Variants in PRIM2 observed in about 807,000 individuals in gnomAD.
PRIM2 encodes the protein DNA primase large subunit.
In PRIM2, 39 loss-of-function variants were observed where a neutral mutation model predicts 67.3. That is an observed-to-expected ratio of 0.58 (90% confidence interval 0.45 to 0.76). The LOEUF (loss-of-function observed/expected upper bound fraction) is 0.76. PRIM2 is among the 30% of genes least tolerant of loss of function. The pLI, the probability that PRIM2 is intolerant of heterozygous loss-of-function variation, is 0.00. For synonymous variants in PRIM2, 143 were observed against 198.7 expected, an observed-to-expected ratio of 0.72 and a Z score of 2.36; for missense variants, 398 against 598.7, an observed-to-expected ratio of 0.66 and a Z score of 3.50.
chr6:57,425,017 A>G (rs1771575536), intron 7 of PRIM2, among the ~76,000 whole-genome samples: 1 of 152,208 alleles, frequency 6.6e-6, no homozygotes, highest in South Asian at 2.1e-4. Context: ...ATAAATAAAC[A>G]TGTATACACA....
chr6:57,627,158 G>A (rs1776962085), intron 12 of PRIM2, among the ~76,000 whole-genome samples: 1 of 149,632 alleles, frequency 6.7e-6, no homozygotes, highest in African/African-American at 2.5e-5. Context: ...GTGCGCATCT[G>A]TAATCCTGGC....
chr6:57,587,027 G>A (rs1482621878), intron 10 of PRIM2: 62 of 152,278 alleles, frequency 4.1e-4, no homozygotes, highest in African/African-American at 1.4e-3. Flanking sequence ...TAGAAGCTCC[G>A]CCTGTGAAGA....
chr6:57,383,303 A>C (rs1770023308), intron 7 of PRIM2: 1 of 151,882 alleles, frequency 6.6e-6, no homozygotes, highest in African/African-American at 2.4e-5. Context: ...GACATTTTAG[A>C]CCACACTTCT....
chr6:57,461,660 T>A (rs1450554330), intron 7 of PRIM2, among the ~76,000 whole-genome samples: 1 of 152,160 alleles, frequency 6.6e-6, no homozygotes, highest in Admixed American at 6.6e-5. Flanking sequence ...AATCCATGTT[T>A]CATCTTGAAA....
chr6:57,560,183 T>C (rs1192666698), intron 10 of PRIM2, among the ~76,000 whole-genome samples: 1 of 152,130 alleles, frequency 6.6e-6, no homozygotes, highest in Non-Finnish European at 1.5e-5. Context: ...ATTTCAACAG[T>C]GTTCACAGCA....
At chr6:57,281,429 G>T in the PRIM2 span, among the ~76,000 whole-genome samples, 16 of 152,228 alleles carry the variant, frequency 1.1e-4, no homozygotes, top group Admixed American at 6.5e-5. Context: ...GTGTATGAGG[G>T]TTCCCGTTTC....
intron 7 of PRIM2, among the ~76,000 whole-genome samples, chr6:57,447,044 G>T (rs1271300371): frequency 1.3e-5 from 2 of 152,224 alleles, no homozygotes; most frequent in Non-Finnish European, 2.9e-5. Flanking sequence ...TGAGATGCTG[G>T]TCAGGGAAGA....
At chr6:57,280,386 C>CTT in the PRIM2 span, among the ~76,000 whole-genome samples, 4 of 149,270 alleles carry the variant, frequency 2.7e-5, no homozygotes, top group African/African-American at 9.8e-5. Context: ...ACTTTGTATT[C>CTT]TTTTTTTTTT....
intron 7 of PRIM2, among the ~76,000 whole-genome samples, chr6:57,400,831 G>C (rs908645286): frequency 6.6e-6 from 1 of 152,088 alleles, no homozygotes. Flanking sequence ...CTTTATTTTT[G>C]TCTGACTGTC....
chr6:57,631,007 A>G (rs1777030224), intron 12 of PRIM2, among the ~76,000 whole-genome samples: 1 of 152,220 alleles, frequency 6.6e-6, no homozygotes. Flanking sequence ...GGTCTTTCAT[A>G]TATGATTTAA....
intron 7 of PRIM2, among the ~76,000 whole-genome samples, chr6:57,427,658 A>G (rs1436225462): frequency 6.6e-6 from 1 of 152,158 alleles, no homozygotes; most frequent in Non-Finnish European, 1.5e-5. Context: ...GCAAATTTTT[A>G]TCAATGTCAT....
At chr6:57,575,697 TTAATC>T (rs1775951438) in intron 10 of PRIM2, among the ~76,000 whole-genome samples, 2 of 152,146 alleles carry the variant, frequency 1.3e-5, no homozygotes, top group African/African-American at 4.8e-5. Context: ...TTCAGTTTAA[TTAATC>T]TTTTTTTTTC....
chr6:57,361,384 C>T (rs17705499), intron 5 of PRIM2, among the ~76,000 whole-genome samples: 18,184 of 150,942 alleles, frequency 0.12, 550 homozygotes, highest in African/African-American at 0.17. Context: ...GGATTAGAAC[C>T]GTGACTTAGG....
chr6:57,423,683 T>C (rs1405935915), intron 7 of PRIM2, among the ~76,000 whole-genome samples: 1 of 152,234 alleles, frequency 6.6e-6, no homozygotes, highest in East Asian at 1.9e-4. Context: ...TTAAACTTGG[T>C]ATGTGCAAAG....
upstream of PRIM2, chr6:57,314,784 A>G (rs1405846837): frequency 6.6e-6 from 1 of 152,254 alleles, no homozygotes; most frequent in Non-Finnish European, 1.5e-5. Flanking sequence ...GATGAAGTGA[A>G]TACATGAAAG....
At position 57,452,966 on chromosome 6, in the gene PRIM2, A is replaced by G. The variant is rs202009500; in HGVS notation, c.694-54421A>G. Reference sequence around the variant, plus strand: ...CCATCTTGAATTAATTTTAGTATACAGTGTAAGGAAGGGATCCAGTTTCAG... The same window carrying G: ...CCATCTTGAATTAATTTTAGTATACGGTGTAAGGAAGGGATCCAGTTTCAG... On this transcript the variant is annotated intron_variant, in intron 7 of 13. Transcript: ENST00000615550. Among the ~76,000 whole-genome samples the G allele has an allele frequency of 1.8e-3, 268 of 152,182 alleles. 1 individual carries two copies. Among genetic ancestry groups the G allele is most frequent in the African/African-American group, 6.2e-3 (257 of 41,534 alleles).
the PRIM2 span, among the ~76,000 whole-genome samples, chr6:57,252,692 C>T: frequency 1.3e-5 from 2 of 152,176 alleles, no homozygotes; most frequent in African/African-American, 2.4e-5. Flanking sequence ...CTGCCTGCCT[C>T]GGCCTCCCAA....
At chr6:57,293,836 G>C in the PRIM2 span, among the ~76,000 whole-genome samples, 8 of 151,972 alleles carry the variant, frequency 5.3e-5, no homozygotes, top group Admixed American at 4.6e-4. Context: ...GGGCCTGTTG[G>C]GGGGTGGGGG....
At chr6:57,277,986 A>G in the PRIM2 span, among the ~76,000 whole-genome samples, 15 of 151,390 alleles carry the variant, frequency 9.9e-5, no homozygotes, top group Admixed American at 9.2e-4. Flanking sequence ...TCTATCTCAG[A>G]AAAACAAACA....
Sources: gnomAD v4.1 joint callset for allele counts (sites outside exome capture counted in the v4.1 genomes callset) on GRCh38, gnomAD v4.1.1 for gene constraint, MANE v1.5 for transcripts, NCBI Gene and HGNC (gene_info 2026-07-23, HGNC 2026-07-21) for gene names.